The following PSMG2 variants were observed in gnomAD, a reference collection of about 807,000 sequenced individuals.
PSMG2 encodes the protein CD40 ligand-activated specific transcript 3.
Under a neutral mutation model 31.5 loss-of-function variants are expected in PSMG2, and 21 were observed. That is an observed-to-expected ratio of 0.67 (90% CI 0.47 to 0.96). PSMG2 has a LOEUF of 0.96. Ranked by LOEUF, PSMG2 falls within the 40% of genes least tolerant of loss-of-function variation. The pLI, the probability that PSMG2 is intolerant of heterozygous loss-of-function variation, is 0.00. For synonymous variants in PSMG2, 120 were observed against 110.4 expected, an observed-to-expected ratio of 1.09 and a Z score of -0.54; for missense variants, 318 against 321.2, an observed-to-expected ratio of 0.99 and a Z score of 0.08.
intron 1 of PSMG2, among the ~76,000 whole-genome samples, chr18:12,681,901 C>CA (rs1181854334): frequency 6.6e-6 from 1 of 151,664 alleles, no homozygotes; most frequent in African/African-American, 2.4e-5. Context: ...GAGGCTGAGG[C>CA]AGGAGAATCG....
chr18:12,720,744 G>A (rs2040423108), intron 5 of PSMG2, 61 bp downstream of exon 5: 29 of 1,521,524 alleles, frequency 1.9e-5, no homozygotes, highest in Non-Finnish European at 2.6e-5. Context: ...TTAATGCAGT[G>A]AGCTGAGATC....
chr18:12,684,755 T>C (rs1960787835), intron 1 of PSMG2: 1 of 152,098 alleles, frequency 6.6e-6, no homozygotes, highest in Non-Finnish European at 1.5e-5. Context: ...AGTGCTGGGA[T>C]TACAGGCGTG....
rs200290499 is a variant in PSMG2, at chr18:12,724,478, T to G, written c.582-21T>G. 4.8e-5 allele frequency: 76 copies of G among 1,581,322 alleles called. No individual in the cohort carries two copies. In the African/African-American group the frequency reaches 9.3e-4, roughly 19 times the overall value. On this transcript the variant is annotated intron_variant, in intron 5 of 6. Coordinates refer to ENST00000317615, the MANE Select transcript of PSMG2 (RefSeq NM_020232.5). ...TTGTACCCTATGAAAGAATACTGAT[T>G]CTTATTTTTATTTCTTGTAGCTGTT...
intron 1 of PSMG2, among the ~76,000 whole-genome samples, chr18:12,681,438 A>G (rs2039346888): frequency 1.3e-5 from 2 of 149,104 alleles, no homozygotes; most frequent in African/African-American, 5.2e-5. Flanking sequence ...TTGTATAAAC[A>G]GGGGTCTTAC....
intron 1 of PSMG2, among the ~76,000 whole-genome samples, chr18:12,668,921 A>G (rs146674640): frequency 1.3e-5 from 2 of 148,818 alleles, no homozygotes; most frequent in African/African-American, 4.9e-5. Flanking sequence ...TTGTATTTTT[A>G]GTAGAGACGG....
chr18:12,666,436 G>GTT lies in PSMG2; in HGVS notation c.-37+7681_-37+7682dup, dbSNP rs557490556. On this transcript the variant is annotated intron_variant, in intron 1 of 6. Coordinates refer to the PSMG2 transcript ENST00000585331. ...TTTTCAGGGTTAACAAAATTTTATG[G>GTT]TTTTTTTTTTTTTTTTTTTGTGAGG... Among the ~76,000 whole-genome samples, 382 of 126,584 alleles carry GTT rather than the reference G, an allele frequency of 3.0e-3. 4 individuals carry two copies. Among genetic ancestry groups the GTT allele is most frequent in the East Asian group, 0.015 (66 of 4,452 alleles). 83.0% of individuals were successfully genotyped at this position (126,584 alleles called of 152,430 possible). A position where few individuals can be genotyped will look rare whatever the true frequency, so the allele number is the denominator to read the frequency against.
At chr18:12,658,832 C>G in intron 1 of PSMG2, 1 of 322,394 alleles carries the variant, frequency 3.1e-6, no homozygotes, top group Non-Finnish European at 6.2e-6. Flanking sequence ...CTCCCAAAAG[C>G]TAAACCAGCG....
chr18:12,709,522 G>C (rs529668725), intron 2 of PSMG2, among the ~76,000 whole-genome samples: 1 of 148,144 alleles, frequency 6.8e-6, no homozygotes, highest in African/African-American at 2.5e-5. Context: ...TTTTGACAGA[G>C]AGTTTTGCTC....
chr18:12,671,641 T>C (rs987085358), intron 1 of PSMG2, among the ~76,000 whole-genome samples: 3 of 81,364 alleles, frequency 3.7e-5, no homozygotes, highest in South Asian at 3.0e-4. Context: ...TTTCACACTT[T>C]CTTTTTTTTT....
At chr18:12,669,031 A>T (rs1011982230) in intron 1 of PSMG2, among the ~76,000 whole-genome samples, 1 of 30,880 alleles carries the variant, frequency 3.2e-5, no homozygotes. Context: ...CACCCCCCGC[A>T]CTTTTTTTTT....
At chr18:12,711,709 C>T (rs1384962335) in intron 2 of PSMG2, among the ~76,000 whole-genome samples, 2 of 150,780 alleles carry the variant, frequency 1.3e-5, no homozygotes, top group Admixed American at 6.6e-5. Context: ...AATCCTGTGT[C>T]CTTAGAGAGT....
intron 1 of PSMG2, among the ~76,000 whole-genome samples, chr18:12,675,881 C>G (rs1486122287): frequency 6.6e-6 from 1 of 151,968 alleles, no homozygotes; most frequent in Non-Finnish European, 1.5e-5. Context: ...GTTGGCCAGG[C>G]TGGTCTCAAA....
Position 12,703,181 on chromosome 18 carries a change from G to A in PSMG2, c.57+17G>A. The A allele has an allele frequency of 6.3e-7, 1 of 1,598,936 alleles. No homozygotes were observed. The highest frequency in any genetic ancestry group is 1.1e-5 in the South Asian group (1 of 88,662). ...CTCCTAATGGTGAGTCTCCATTTGC[G>A]CTCGGGGCTGCCGCCTCCCGAGGCC... On this transcript the variant is annotated intron_variant, in intron 1 of 6. Transcript: ENST00000317615.
upstream of PSMG2, among the ~76,000 whole-genome samples, chr18:12,702,189 T>A (rs2040179236): frequency 6.6e-6 from 1 of 152,300 alleles, no homozygotes; most frequent in East Asian, 1.9e-4. Context: ...TTACACTCGA[T>A]CCGACTTCCA....
chr18:12,667,027 C>A (rs1485309700), intron 1 of PSMG2, among the ~76,000 whole-genome samples: 1 of 151,832 alleles, frequency 6.6e-6, no homozygotes, highest in African/African-American at 2.4e-5. Flanking sequence ...CGGAAAACAA[C>A]AACAACCAAA....
intron 2 of PSMG2, among the ~76,000 whole-genome samples, chr18:12,711,675 A>G (rs2040332928): frequency 6.6e-6 from 1 of 151,780 alleles, no homozygotes; most frequent in African/African-American, 2.4e-5. Flanking sequence ...ATGGTAACCA[A>G]CACTTACCCC....
intron 1 of PSMG2, chr18:12,670,555 G>C (rs896546858): frequency 6.6e-6 from 1 of 152,102 alleles, no homozygotes; most frequent in Non-Finnish European, 1.5e-5. Context: ...AATATAGTCT[G>C]TCTCTTAGTA....
At chr18:12,715,631 G>T (rs781361518) in intron 3 of PSMG2, among the ~76,000 whole-genome samples, 15 of 151,782 alleles carry the variant, frequency 9.9e-5, no homozygotes, top group Admixed American at 7.2e-4. Context: ...TCAGCCTCCT[G>T]AGTAACTGGG....
At chr18:12,703,292 G>A (rs2040218730) in intron 1 of PSMG2, 128 bp downstream of exon 1, 6 of 1,106,542 alleles carry the variant, frequency 5.4e-6, no homozygotes, top group South Asian at 1.7e-5. Flanking sequence ...GTTTTCGGCC[G>A]GAAAAAACAG....
Sources: allele counts gnomAD v4.1 joint callset (sites outside exome capture counted in the v4.1 genomes callset), GRCh38; gene constraint gnomAD v4.1.1; transcripts MANE v1.5; gene names NCBI Gene and HGNC (gene_info 2026-07-23, HGNC 2026-07-21).